CNTN1: variants seen among roughly 807,000 people sequenced by gnomAD.
CNTN1 encodes contactin 1.
Under a neutral mutation model 126.4 loss-of-function variants are expected in CNTN1, and 38 were observed. The observed-to-expected ratio is 0.30, with a 90% CI of 0.23 to 0.39. The LOEUF is 0.39. Among genes scored for constraint, CNTN1 ranks in the 10% least tolerant of loss-of-function variants. CNTN1 has a pLI of 1.00. For synonymous variants in CNTN1, 413 were observed against 422.6 expected (o/e 0.98, Z 0.28); for missense variants, 1,009 against 1,248.4 (o/e 0.81, Z 2.89).
intron 2 of CNTN1, among the ~76,000 whole-genome samples, chr12:40,909,838 CTTA>C (rs1346750161): frequency 2.6e-5 from 4 of 151,626 alleles, no homozygotes; most frequent in Non-Finnish European, 4.4e-5. Flanking sequence ...TAAAAATTAT[CTTA>C]TTATTACTGA....
At chr12:40,812,547 A>C (rs1941104946) in intron 1 of CNTN1, among the ~76,000 whole-genome samples, 1 of 152,056 alleles carries the variant, frequency 6.6e-6, no homozygotes, top group South Asian at 2.1e-4. Context: ...TTCTCCCATC[A>C]GTTCTGTTAA....
At chr12:40,834,252 G>A (rs1358328024) in intron 1 of CNTN1, among the ~76,000 whole-genome samples, 1 of 152,186 alleles carries the variant, frequency 6.6e-6, no homozygotes, top group African/African-American at 2.4e-5. Context: ...GATTTTAAGA[G>A]GTAGAATAAT....
chr12:40,717,875 A>T (rs772998779), intron 1 of CNTN1, among the ~76,000 whole-genome samples: 16 of 152,196 alleles, frequency 1.1e-4, no homozygotes, highest in Non-Finnish European at 2.4e-4. Context: ...GTCTATATTA[A>T]TCAGCTTTAG....
chr12:40,922,447 T>C lies in CNTN1; in HGVS notation c.400+19T>C. 6.2e-7 allele frequency: 1 copy of C among 1,612,658 alleles called. No homozygotes were observed. Among genetic ancestry groups the C allele is most frequent in the Non-Finnish European group, 8.5e-7 (1 of 1,178,936 alleles). ...TTTGGATGTAAGTAAACTGTAACTT[T>C]TAAAAAAGGGCAAGCGTGTTTAGGT... On this transcript the variant is annotated intron_variant, in intron 5 of 23. Transcript: ENST00000551295.
At chr12:40,908,190 T>C (rs1163646638) in intron 1 of CNTN1, among the ~76,000 whole-genome samples, 167 bp from the exon 2 acceptor site, 1 of 152,194 alleles carries the variant, frequency 6.6e-6, no homozygotes, top group Non-Finnish European at 1.5e-5. Context: ...TGAAAACTTA[T>C]TCTACAAACG....
Position 40,993,574 on chromosome 12 carries a change from CGTAA to C in CNTN1, c.2113+309_2113+312del, listed in dbSNP as rs533822715. On this transcript the variant is annotated intron_variant, in intron 17 of 23. Coordinates refer to ENST00000551295, the MANE Select transcript of CNTN1 (RefSeq NM_001843.4). ...ATGCCACTGGAGACCATTGGAATGACGTAAGTATTTAGATTATAAACTTTAATGT... is the reference window on the plus strand; with the variant it reads ...ATGCCACTGGAGACCATTGGAATGACGTATTTAGATTATAAACTTTAATGT... Among the ~76,000 whole-genome samples, 2,180 of 152,112 alleles carry C rather than the reference CGTAA, an allele frequency of 0.014. 19 individuals are homozygous for C. The highest frequency in any genetic ancestry group is 0.034 in the Middle Eastern group (10 of 294).
intron 1 of CNTN1, among the ~76,000 whole-genome samples, chr12:40,726,388 A>G (rs10879092): frequency 0.61 from 92,845 of 152,056 alleles, 29,153 homozygotes; most frequent in East Asian, 0.84. Context: ...ACAGTTCTGC[A>G]TGGCTGGCAA....
At chr12:40,854,801 A>G (rs1942839337) in intron 1 of CNTN1, among the ~76,000 whole-genome samples, 1 of 152,120 alleles carries the variant, frequency 6.6e-6, no homozygotes, top group Non-Finnish European at 1.5e-5. Context: ...TAATCAGAAG[A>G]GCAGATGGCG....
At chr12:40,951,431 A>AT (rs1354131324) in intron 14 of CNTN1, among the ~76,000 whole-genome samples, 1 of 152,100 alleles carries the variant, frequency 6.6e-6, no homozygotes, top group African/African-American at 2.4e-5. Flanking sequence ...TTGTTTTGTC[A>AT]TTTTATTTAT....
intron 23 of CNTN1, among the ~76,000 whole-genome samples, chr12:41,052,611 T>G (rs1949713099): frequency 6.6e-6 from 1 of 152,092 alleles, no homozygotes; most frequent in Non-Finnish European, 1.5e-5. Context: ...AGAAAGTCTT[T>G]TTAGAATGAA....
chr12:40,785,607 G>A (rs963323192), intron 1 of CNTN1, among the ~76,000 whole-genome samples: 5 of 152,122 alleles, frequency 3.3e-5, no homozygotes, highest in Non-Finnish European at 7.4e-5. Flanking sequence ...ATCTCACAAA[G>A]TACATTCTCA....
At chr12:40,761,006 T>A (rs1938844253) in intron 1 of CNTN1, among the ~76,000 whole-genome samples, 1 of 152,190 alleles carries the variant, frequency 6.6e-6, no homozygotes, top group African/African-American at 2.4e-5. Flanking sequence ...AAAAATGGAT[T>A]TGTCAAACTA....
At chr12:40,936,049 C>T (rs1381715933) in intron 9 of CNTN1, among the ~76,000 whole-genome samples, 1 of 151,998 alleles carries the variant, frequency 6.6e-6, no homozygotes, top group Non-Finnish European at 1.5e-5. Context: ...TTTATTTGGA[C>T]TAGATAACTG....
At chr12:40,707,227 C>CTTTTCTTTTTTTTTTTTTTTTTTT (rs1941782316) in intron 1 of CNTN1, among the ~76,000 whole-genome samples, 1 of 109,166 alleles carries the variant, frequency 9.2e-6, no homozygotes, top group Admixed American at 9.8e-5. Context: ...TTTTCTTTTT[C>CTTTTCTTTTTTTTTTTTTTTTTTT]TTTTTTTTTT....
chr12:40,702,149 T>C (rs1941612354), intron 1 of CNTN1, among the ~76,000 whole-genome samples: 1 of 151,872 alleles, frequency 6.6e-6, no homozygotes, highest in Non-Finnish European at 1.5e-5. Flanking sequence ...TTGCCCAGCC[T>C]GTTCTCGGAC....
chr12:40,711,693 C>T (rs1039618011), intron 1 of CNTN1, among the ~76,000 whole-genome samples: 2 of 151,970 alleles, frequency 1.3e-5, no homozygotes, highest in African/African-American at 4.8e-5. Flanking sequence ...TCCTCCTCCT[C>T]CTCTTCCTAC....
intron 14 of CNTN1, among the ~76,000 whole-genome samples, chr12:40,944,907 ACATAGG>A (rs1946381939): frequency 6.6e-6 from 1 of 152,094 alleles, no homozygotes; most frequent in South Asian, 2.1e-4. Context: ...CATATTTAGA[ACATAGG>A]CATAATTAGG....
chr12:41,053,648 C>T (rs909671008), intron 23 of CNTN1, among the ~76,000 whole-genome samples: 3 of 150,632 alleles, frequency 2.0e-5, no homozygotes, highest in African/African-American at 7.3e-5. Context: ...GGACTGAAAA[C>T]TGTCGTCATC....
chr12:41,052,023 C>G (rs924936641), intron 23 of CNTN1, among the ~76,000 whole-genome samples: 2 of 151,868 alleles, frequency 1.3e-5, no homozygotes, highest in Non-Finnish European at 2.9e-5. Flanking sequence ...CAGACTCACT[C>G]TCCACACACA....
Sources: gnomAD v4.1 joint callset for allele counts (sites outside exome capture counted in the v4.1 genomes callset) on GRCh38, gnomAD v4.1.1 for gene constraint, MANE v1.5 for transcripts, NCBI Gene and HGNC (gene_info 2026-07-23, HGNC 2026-07-21) for gene names.